The following GABBR2 variants were observed in gnomAD, a reference collection of about 807,000 sequenced individuals.
The protein encoded by GABBR2 is gamma-aminobutyric acid type B receptor subunit 2.
In GABBR2, 23 loss-of-function variants were observed where a neutral mutation model predicts 105.6. The ratio of observed to expected loss-of-function variants is 0.22; its 90% CI spans 0.16 to 0.31. The LOEUF (loss-of-function observed/expected upper bound fraction) is 0.31. GABBR2 is among the 10% of genes least tolerant of loss of function. The pLI, the probability that GABBR2 is intolerant of heterozygous loss-of-function variation, is 1.00. For synonymous variants in GABBR2, 478 were observed against 499.7 expected, an observed-to-expected ratio of 0.96 and a Z score of 0.58; for missense variants, 734 against 1,245.5, an observed-to-expected ratio of 0.59 and a Z score of 6.18.
intron 1 of GABBR2, among the ~76,000 whole-genome samples, chr9:98,697,655 G>A (rs186084449): frequency 7.9e-5 from 12 of 152,336 alleles, no homozygotes; most frequent in Admixed American, 5.9e-4. Flanking sequence ...GCAACTAAAT[G>A]TTCCTATTTC....
At position 98,585,995 on chromosome 9, in the gene GABBR2, GA is replaced by G. The variant is rs1407960269; in HGVS notation, c.322-7924del. On this transcript the variant is annotated intron_variant, in intron 1 of 18. Transcript: ENST00000259455. ...CCTGTACTGTTATTTCCCTTTTACA[GA>G]TAAGGAATTTGAGGCTCAGAAATAA... 5.6e-3 allele frequency among the ~76,000 whole-genome samples: 130 copies of G among 23,278 alleles called. 44 individuals carry two copies. The highest frequency in any genetic ancestry group is 0.02 in the African/African-American group (122 of 6,066). 15.3% of individuals were successfully genotyped at this position (23,278 alleles called of 152,430 possible).
intron 2 of GABBR2, among the ~76,000 whole-genome samples, chr9:98,571,990 C>G (rs1776865256): frequency 6.6e-6 from 1 of 152,210 alleles, no homozygotes; most frequent in Admixed American, 6.5e-5. Flanking sequence ...GGCTGAACAC[C>G]CTCAGCTCTC....
chr9:98,673,489 G>A (rs7019468), intron 1 of GABBR2, among the ~76,000 whole-genome samples: 32,975 of 151,668 alleles, frequency 0.22, 4,963 homozygotes, highest in African/African-American at 0.43. Context: ...TTATCTCTGA[G>A]AGGAGTAGAT....
chr9:98,362,959 G>T (rs974854478), intron 12 of GABBR2, 122 bp from the exon 13 acceptor site: 2 of 747,062 alleles, frequency 2.7e-6, no homozygotes, highest in Non-Finnish European at 2.0e-6. Flanking sequence ...AGTCTCCTGC[G>T]ATTCCCCATC....
chr9:98,665,465 C>G (rs927090915), intron 1 of GABBR2, among the ~76,000 whole-genome samples: 1 of 152,024 alleles, frequency 6.6e-6, no homozygotes, highest in African/African-American at 2.4e-5. Context: ...TTGTGTAGAT[C>G]CCAGGGCAGA....
chr9:98,708,383 G>A (rs2131892770), intron 1 of GABBR2, 34 bp downstream of exon 1: 2 of 1,344,332 alleles, frequency 1.5e-6, no homozygotes, highest in South Asian at 2.1e-5. Flanking sequence ...AATGCCCCCC[G>A]AAGCCCCGAC....
chr9:98,394,332 G>T, intron 8 of GABBR2, 77 bp from the exon 9 acceptor site: 4 of 991,616 alleles, frequency 4.0e-6, no homozygotes, highest in Non-Finnish European at 4.9e-6. Flanking sequence ...CCAGGCTCTT[G>T]CTCCCCTCAC....
chr9:98,359,870 T>A (rs1432131640), intron 13 of GABBR2, among the ~76,000 whole-genome samples: 1 of 152,134 alleles, frequency 6.6e-6, no homozygotes, highest in East Asian at 1.9e-4. Flanking sequence ...ATGTTTGGGA[T>A]GCTGGGGGAG....
chr9:98,616,404 G>A (rs1052590551), intron 1 of GABBR2, among the ~76,000 whole-genome samples: 5 of 152,202 alleles, frequency 3.3e-5, no homozygotes, highest in South Asian at 2.1e-4. Flanking sequence ...CAACACAAGT[G>A]CAGCTAGGAA....
At chr9:98,409,954 C>T (rs189473768) in intron 7 of GABBR2, among the ~76,000 whole-genome samples, 10 of 152,186 alleles carry the variant, frequency 6.6e-5, no homozygotes, top group Non-Finnish European at 1.3e-4. Context: ...CATCAAAGGT[C>T]GCTGGGGCTG....
At chr9:98,402,341 A>G (rs1035836079) in intron 8 of GABBR2, among the ~76,000 whole-genome samples, 6 of 152,174 alleles carry the variant, frequency 3.9e-5, no homozygotes, top group African/African-American at 7.2e-5. Context: ...TTAAGGGGAA[A>G]AAAGCCAATT....
At chr9:98,305,994 T>C in intron 15 of GABBR2, 127 bp downstream of exon 15, 2 of 670,482 alleles carry the variant, frequency 3.0e-6, no homozygotes, top group Non-Finnish European at 5.1e-6. Flanking sequence ...TTTTCTATAA[T>C]GTGAATTGTC....
chr9:98,354,966 G>C (rs1831460519), intron 13 of GABBR2, among the ~76,000 whole-genome samples: 1 of 152,144 alleles, frequency 6.6e-6, no homozygotes, highest in Admixed American at 6.5e-5. Context: ...ATCATTTCAA[G>C]ATTTTGGTTT....
chr9:98,686,810 C>T (rs1395306636), intron 1 of GABBR2, among the ~76,000 whole-genome samples: 1 of 152,144 alleles, frequency 6.6e-6, no homozygotes. Flanking sequence ...CCACCATCCA[C>T]AGAGCTTTGG....
chr9:98,599,681 G>A (rs1829296030), intron 1 of GABBR2, among the ~76,000 whole-genome samples: 2 of 152,232 alleles, frequency 1.3e-5, no homozygotes, highest in African/African-American at 4.8e-5. Context: ...TCTGAGCAGG[G>A]CATGCGGGTA....
chr9:98,321,468 G>A (rs1373439312), intron 13 of GABBR2, among the ~76,000 whole-genome samples: 1 of 152,224 alleles, frequency 6.6e-6, no homozygotes, highest in Non-Finnish European at 1.5e-5. Context: ...TCATCAGGGT[G>A]GCATTGCCCG....
chr9:98,484,127 C>T (rs796141104), intron 4 of GABBR2, among the ~76,000 whole-genome samples: 17 of 152,220 alleles, frequency 1.1e-4, no homozygotes, highest in African/African-American at 3.4e-4. Flanking sequence ...TTGAGTAGAT[C>T]GAGGGACCCA....
intron 1 of GABBR2, among the ~76,000 whole-genome samples, chr9:98,688,510 G>T (rs1274628227): frequency 6.6e-6 from 1 of 151,966 alleles, no homozygotes; most frequent in Non-Finnish European, 1.5e-5. Context: ...TAACAGATGT[G>T]CCTAAATAGA....
intron 13 of GABBR2, among the ~76,000 whole-genome samples, chr9:98,342,946 T>A (rs962527944): frequency 6.6e-6 from 1 of 152,230 alleles, no homozygotes; most frequent in African/African-American, 2.4e-5. Context: ...ATTGACTTTT[T>A]TTCCCCCCAG....
Sources: gnomAD v4.1 joint callset for allele counts (sites outside exome capture counted in the v4.1 genomes callset) on GRCh38, gnomAD v4.1.1 for gene constraint, MANE v1.5 for transcripts, NCBI Gene and HGNC (gene_info 2026-07-23, HGNC 2026-07-21) for gene names.